The following MYO6 variants were observed in gnomAD, a reference collection of about 807,000 sequenced individuals.
MYO6 encodes unconventional myosin-VI.
In MYO6, 74 loss-of-function variants were observed where a neutral mutation model predicts 178.7. That is an observed-to-expected ratio of 0.41 (90% CI 0.34 to 0.50). The LOEUF (loss-of-function observed/expected upper bound fraction) is 0.50. Ranked by LOEUF, MYO6 falls within the 20% of genes least tolerant of loss-of-function variation. The pLI is 0.09. For synonymous variants in MYO6, 477 were observed against 504.6 expected (o/e 0.95, Z 0.73); for missense variants, 1,330 against 1,547.4 (o/e 0.86, Z 2.36).
intron 18 of MYO6, among the ~76,000 whole-genome samples, chr6:75,869,061 T>TTTTTC (rs1776927168): frequency 6.8e-6 from 1 of 147,886 alleles, no homozygotes; most frequent in Non-Finnish European, 1.5e-5. Flanking sequence ...TTCTTTTGAC[T>TTTTTC]TTATCTCCAT....
At chr6:75,833,000 C>A (rs1303184933) in intron 6 of MYO6, 53 bp downstream of exon 6, 2 of 1,274,546 alleles carry the variant, frequency 1.6e-6, no homozygotes, top group Non-Finnish European at 2.3e-6. Context: ...TTTTTTTCCC[C>A]CCTTGAGATA....
At chr6:75,895,135 C>A in intron 28 of MYO6, 96 bp from the exon 29 acceptor site, 3 of 907,322 alleles carry the variant, frequency 3.3e-6, no homozygotes, top group Admixed American at 2.3e-5. Context: ...TTTTTAAAAT[C>A]AATGAGTAAA....
chr6:75,804,994 C>T (rs1163819227), intron 1 of MYO6, among the ~76,000 whole-genome samples: 1 of 82,784 alleles, frequency 1.2e-5, no homozygotes, highest in South Asian at 4.2e-4. Flanking sequence ...TATATATATA[C>T]ACACACACAT....
chr6:75,872,026 G>A (rs1194325525), intron 19 of MYO6, among the ~76,000 whole-genome samples: 1 of 152,212 alleles, frequency 6.6e-6, no homozygotes, highest in African/African-American at 2.4e-5. Context: ...CTACTTGGGA[G>A]GCTGAGGCAG....
chr6:75,891,433 C>G, intron 27 of MYO6, 127 bp downstream of exon 27: 1 of 579,570 alleles, frequency 1.7e-6, no homozygotes, highest in Non-Finnish European at 3.2e-6. Context: ...GAGATCAAGA[C>G]CATCCTGGCT....
chr6:75,796,909 G>T (rs930574187), intron 1 of MYO6, among the ~76,000 whole-genome samples: 2 of 151,986 alleles, frequency 1.3e-5, no homozygotes, highest in African/African-American at 4.8e-5. Context: ...GCTGCAAAGG[G>T]CATTATTTCA....
intron 1 of MYO6, among the ~76,000 whole-genome samples, chr6:75,773,788 G>A (rs1237418434): frequency 2.6e-5 from 4 of 152,126 alleles, no homozygotes; most frequent in South Asian, 4.1e-4. Context: ...GATGGGTGAC[G>A]GAATACCTCT....
intron 23 of MYO6, among the ~76,000 whole-genome samples, chr6:75,884,328 A>G (rs1778262936): frequency 6.6e-6 from 1 of 152,372 alleles, no homozygotes; most frequent in South Asian, 2.1e-4. Context: ...AGTATAGTGT[A>G]CAGCTTTTCA....
At chr6:75,814,828 C>T (rs1413429181) in intron 1 of MYO6, among the ~76,000 whole-genome samples, 5 of 150,800 alleles carry the variant, frequency 3.3e-5, no homozygotes, top group Non-Finnish European at 2.9e-5. Flanking sequence ...CACTGTGCCA[C>T]TGCACTATGG....
chr6:75,767,480 A>G (rs1448470374), intron 1 of MYO6, among the ~76,000 whole-genome samples: 1 of 151,964 alleles, frequency 6.6e-6, no homozygotes, highest in Non-Finnish European at 1.5e-5. Flanking sequence ...AATAGTTATA[A>G]ATAGTATATG....
rs567495186 is a variant in MYO6 at position 75,916,223 on chromosome 6, A to G, written c.*1211A>G. 8.9e-4 allele frequency: 135 copies of G among 152,338 alleles called. No homozygotes were observed. The highest frequency in any genetic ancestry group is 3.1e-3 in the African/African-American group (127 of 41,586). The allele number at this position is 152,338 out of a possible 1,614,324, so 9.4% of individuals were successfully genotyped here. On this transcript the variant is annotated 3_prime_UTR_variant, in exon 35 of 35. Coordinates refer to ENST00000369977, the MANE Select transcript of MYO6 (RefSeq NM_004999.4). ...TTGTTGTATTTTAGAATAAAATTAT[A>G]AAGTAAAATGATTCTCTGTACTGCT... is the stretch of plus-strand genomic sequence containing the variant.
intron 1 of MYO6, among the ~76,000 whole-genome samples, chr6:75,764,715 A>G (rs1778251100): frequency 6.6e-6 from 1 of 152,096 alleles, no homozygotes; most frequent in African/African-American, 2.4e-5. Context: ...TATTCACTGT[A>G]TTAGAAATTT....
At chr6:75,858,609 A>G (rs1170724144) in intron 13 of MYO6, among the ~76,000 whole-genome samples, 1 of 152,176 alleles carries the variant, frequency 6.6e-6, no homozygotes, top group Non-Finnish European at 1.5e-5. Flanking sequence ...TCAAAAATAA[A>G]TAAATAAATA....
intron 1 of MYO6, among the ~76,000 whole-genome samples, chr6:75,798,889 T>TA (rs1406327769): frequency 6.6e-6 from 1 of 152,206 alleles, no homozygotes; most frequent in Non-Finnish European, 1.5e-5. Flanking sequence ...CAAGAACTGA[T>TA]AAATGACTTC....
chr6:75,841,476 C>A, intron 9 of MYO6, 98 bp downstream of exon 9: 1 of 1,206,362 alleles, frequency 8.3e-7, no homozygotes, highest in Non-Finnish European at 1.2e-6. Flanking sequence ...ATTGCTTGAG[C>A]CTGGGAGTTC....
chr6:75,849,346 T>A (rs906141815), intron 11 of MYO6, among the ~76,000 whole-genome samples: 1 of 152,216 alleles, frequency 6.6e-6, no homozygotes, highest in Non-Finnish European at 1.5e-5. Flanking sequence ...AAGACATTAT[T>A]GTACGATCTT....
intron 3 of MYO6, among the ~76,000 whole-genome samples, chr6:75,823,781 T>C (rs1363878422): frequency 6.6e-6 from 1 of 152,232 alleles, no homozygotes; most frequent in Non-Finnish European, 1.5e-5. Context: ...GGCTGTCTGC[T>C]CGTGGGCATT....
chr6:75,876,752 T>A (rs1238683711), intron 20 of MYO6, among the ~76,000 whole-genome samples: 1 of 152,180 alleles, frequency 6.6e-6, no homozygotes, highest in South Asian at 2.1e-4. Context: ...TTGATTTTTT[T>A]AAGTATCAAT....
At chr6:75,752,501 A>C (rs557931741) in intron 1 of MYO6, among the ~76,000 whole-genome samples, 1 of 152,324 alleles carries the variant, frequency 6.6e-6, no homozygotes, top group Non-Finnish European at 1.5e-5. Flanking sequence ...AGAAGGGCAA[A>C]GTCTGGATTC....
Sources: gnomAD v4.1 joint callset for allele counts (sites outside exome capture counted in the v4.1 genomes callset) on GRCh38, gnomAD v4.1.1 for gene constraint, MANE v1.5 for transcripts, NCBI Gene and HGNC (gene_info 2026-07-23, HGNC 2026-07-21) for gene names.